TAB2: variants seen among roughly 807,000 people sequenced by gnomAD.
TAB2 encodes the protein TGF-beta-activated kinase 1 and MAP3K7-binding protein 2.
In TAB2, 3 loss-of-function variants were observed where a neutral mutation model predicts 65.0. That is an observed-to-expected ratio of 0.05 (90% CI 0.02 to 0.12). TAB2 has a LOEUF of 0.12. TAB2 is among the 10% of genes least tolerant of loss of function. TAB2 has a pLI of 1.00. For synonymous variants in TAB2, 298 were observed against 285.1 expected (o/e 1.05, Z -0.46); for missense variants, 623 against 840.3 (o/e 0.74, Z 3.20).
intron 2 of TAB2, among the ~76,000 whole-genome samples, chr6:149,373,372 A>AGTGC (rs1314557301): frequency 7.2e-5 from 11 of 152,216 alleles, no homozygotes; most frequent in Admixed American, 7.2e-4. Context: ...TGCAACACTT[A>AGTGC]ATATTTAAGT....
chr6:149,357,866 A>T (rs1248887219), intron 1 of TAB2, among the ~76,000 whole-genome samples: 3 of 151,812 alleles, frequency 2.0e-5, no homozygotes, highest in South Asian at 4.2e-4. Flanking sequence ...CGCCCGGCTG[A>T]TTTTTTGTAT....
chr6:149,281,442 T>C (rs2114685695), intron 1 of TAB2, among the ~76,000 whole-genome samples: 1 of 151,222 alleles, frequency 6.6e-6, no homozygotes, highest in East Asian at 1.9e-4. Flanking sequence ...ATTAATTCCA[T>C]TGCTGGGTGC....
intron 6 of TAB2, chr6:149,400,592 C>G (rs1292541852): frequency 5.6e-6 from 9 of 1,614,190 alleles, no homozygotes; most frequent in Admixed American, 1.7e-5. Context: ...GGCAACCAAT[C>G]AGTGGAACAG....
At chr6:149,347,639 C>G (rs1312608129) in intron 1 of TAB2, among the ~76,000 whole-genome samples, 1 of 152,010 alleles carries the variant, frequency 6.6e-6, no homozygotes, top group Non-Finnish European at 1.5e-5. Flanking sequence ...TCATTTTTAT[C>G]TTAAATGGAG....
intron 6 of TAB2, among the ~76,000 whole-genome samples, chr6:149,401,708 C>A (rs1039512932): frequency 3.3e-5 from 5 of 152,094 alleles, no homozygotes; most frequent in Non-Finnish European, 7.4e-5. Flanking sequence ...TAGGATAGAT[C>A]ATATGTTAGT....
intron 1 of TAB2, among the ~76,000 whole-genome samples, chr6:149,222,629 A>G (rs1423291118): frequency 6.6e-6 from 1 of 151,944 alleles, no homozygotes; most frequent in African/African-American, 2.4e-5. Flanking sequence ...AAAAAAAAAA[A>G]AAAAGAAACT....
rs567199403 is a variant in TAB2 at position 149,309,873 on chromosome 6, T to G, written c.-120-68145T>G. 1.7e-4 allele frequency among the ~76,000 whole-genome samples: 21 copies of G among 121,126 alleles called. No individual in the cohort carries two copies. The East Asian group carries it at 5.1e-3, about 29-fold the overall frequency. The allele number at this position is 121,126 out of a possible 152,430, so 79.5% of individuals were successfully genotyped here. On this transcript the variant is annotated intron_variant, in intron 1 of 1. Transcript: ENST00000606202. ...CTTCCCAGGACACACTGTGTGTGTG[T>G]GTGGGTGTGGGTGTGTGTGTGTGTG...
chr6:149,322,687 G>A (rs1003214129), intron 1 of TAB2, among the ~76,000 whole-genome samples: 1 of 152,146 alleles, frequency 6.6e-6, no homozygotes, highest in East Asian at 1.9e-4. Flanking sequence ...ATAGGTTGAT[G>A]AGCTGGATCT....
At chr6:149,250,769 C>G (rs1264071380) in intron 1 of TAB2, among the ~76,000 whole-genome samples, 2 of 152,174 alleles carry the variant, frequency 1.3e-5, no homozygotes, top group African/African-American at 4.8e-5. Context: ...ATGAGGCTAT[C>G]CTTTCCTTTC....
intron 1 of TAB2, among the ~76,000 whole-genome samples, chr6:149,258,973 G>T (rs562883468): frequency 6.6e-6 from 1 of 152,154 alleles, no homozygotes; most frequent in South Asian, 2.1e-4. Context: ...TGGAGGAAAG[G>T]GCCACAAACC....
intron 1 of TAB2, among the ~76,000 whole-genome samples, chr6:149,262,707 A>C (rs1181346221): frequency 6.6e-6 from 1 of 151,964 alleles, no homozygotes; most frequent in Admixed American, 6.6e-5. Context: ...ATCATCTTCA[A>C]CTCCCACCAT....
chr6:149,343,811 T>C (rs565183587), intron 1 of TAB2, among the ~76,000 whole-genome samples: 1 of 152,270 alleles, frequency 6.6e-6, no homozygotes, highest in South Asian at 2.1e-4. Flanking sequence ...CTTTTACCAA[T>C]ATATATAGAT....
chr6:149,347,676 T>C (rs1424487239), intron 1 of TAB2, among the ~76,000 whole-genome samples: 1 of 152,114 alleles, frequency 6.6e-6, no homozygotes, highest in Non-Finnish European at 1.5e-5. Context: ...TTTGCCTTGA[T>C]AGAATTGTAA....
chr6:149,344,038 A>G (rs1038085992), intron 1 of TAB2, among the ~76,000 whole-genome samples: 1 of 152,198 alleles, frequency 6.6e-6, no homozygotes, highest in Non-Finnish European at 1.5e-5. Flanking sequence ...TTAATGCATA[A>G]TGAATTTAAT....
At chr6:149,362,806 T>C (rs1385878601) in intron 1 of TAB2, among the ~76,000 whole-genome samples, 4 of 152,184 alleles carry the variant, frequency 2.6e-5, no homozygotes, top group Non-Finnish European at 4.4e-5. Context: ...GTTGTTTTGT[T>C]TTTAATATCA....
At chr6:149,383,044 A>C (rs1228892514) in intron 3 of TAB2, among the ~76,000 whole-genome samples, 1 of 151,328 alleles carries the variant, frequency 6.6e-6, no homozygotes, top group Non-Finnish European at 1.5e-5. Context: ...AGTCCTAGCT[A>C]CTCAGGAGGC....
intron 1 of TAB2, among the ~76,000 whole-genome samples, chr6:149,359,616 C>T (rs977090367): frequency 6.6e-6 from 1 of 152,200 alleles, no homozygotes; most frequent in African/African-American, 2.4e-5. Context: ...CTTCTTTCCA[C>T]ATAGTATTAA....
chr6:149,411,096 A>T lies in TAB2; in HGVS notation c.*1377A>T, dbSNP rs117393649. The stretch of plus-strand genomic sequence containing the variant: ...GATGATATATTTTTGTAAGGAAAAT[A>T]TTCAGATGATCAGGAATGTATATAA... On this transcript the variant is annotated 3_prime_UTR_variant, in exon 7 of 7. Coordinates refer to ENST00000637181, the MANE Select transcript of TAB2 (RefSeq NM_001292034.3). The T allele has an allele frequency of 6.6e-6, 1 of 152,668 alleles. No homozygotes were observed. The highest frequency in any genetic ancestry group is 1.5e-5 in the Non-Finnish European group (1 of 68,044). The allele number at this position is 152,668 out of a possible 1,614,324, so 9.5% of individuals were successfully genotyped here. A position where few individuals can be genotyped will look rare whatever the true frequency, so the allele number is the denominator to read the frequency against.
chr6:149,289,397 A>G (rs1436057807), intron 1 of TAB2, among the ~76,000 whole-genome samples: 1 of 150,358 alleles, frequency 6.7e-6, no homozygotes, highest in East Asian at 2.0e-4. Flanking sequence ...CTGTCTCTAA[A>G]AAAAAAAAAG....
Sources: gnomAD v4.1 joint callset for allele counts (sites outside exome capture counted in the v4.1 genomes callset) on GRCh38, gnomAD v4.1.1 for gene constraint, MANE v1.5 for transcripts, NCBI Gene and HGNC (gene_info 2026-07-23, HGNC 2026-07-21) for gene names.